Variants in ACVR1 observed in about 807,000 individuals in gnomAD.
ACVR1 encodes the protein activin receptor type-1.
Under a neutral mutation model 57.1 loss-of-function variants are expected in ACVR1, and 38 were observed. The ratio of observed to expected loss-of-function variants is 0.67; its 90% confidence interval spans 0.51 to 0.87. ACVR1 has a LOEUF of 0.87. ACVR1 is among the 40% of genes least tolerant of loss of function. ACVR1 has a pLI of 0.00. For synonymous variants in ACVR1, 212 were observed against 228.1 expected (o/e 0.93, Z 0.63); for missense variants, 463 against 638.2 (o/e 0.73, Z 2.96).
intron 2 of ACVR1, among the ~76,000 whole-genome samples, chr2:157,803,533 G>A (rs771141160): frequency 2.0e-5 from 3 of 152,122 alleles, no homozygotes; most frequent in South Asian, 2.1e-4. Context: ...ACATCAATAC[G>A]CTAAAATCTC....
chr2:157,750,721 C>T (rs766823910), intron 9 of ACVR1, among the ~76,000 whole-genome samples: 1 of 151,910 alleles, frequency 6.6e-6, no homozygotes, highest in Non-Finnish European at 1.5e-5. Context: ...TAAAGGAACA[C>T]AATAAGTCTC....
chr2:157,767,191 C>T (rs73022054), intron 7 of ACVR1, among the ~76,000 whole-genome samples: 9 of 152,118 alleles, frequency 5.9e-5, no homozygotes, highest in East Asian at 5.8e-4. Context: ...ACCATCACGC[C>T]GGGCTAATTT....
intron 1 of ACVR1, among the ~76,000 whole-genome samples, chr2:157,820,508 A>G (rs1008256827): frequency 4.6e-5 from 7 of 152,212 alleles, no homozygotes; most frequent in South Asian, 2.1e-4. Context: ...AGGTTTAGAT[A>G]AGCCAGAAAA....
intron 9 of ACVR1, among the ~76,000 whole-genome samples, chr2:157,755,526 A>C (rs1316104052): frequency 1.6e-5 from 1 of 63,150 alleles, no homozygotes; most frequent in African/African-American, 2.1e-4. Flanking sequence ...TGCAAATAAT[A>C]CCATACCATA....
Position 157,762,216 on chromosome 2 carries a change from CA to C in ACVR1, c.1067-1140del, listed in dbSNP as rs1397287392. On this transcript the variant is annotated intron_variant, in intron 8 of 10. Coordinates refer to ENST00000434821, the MANE Select transcript of ACVR1 (RefSeq NM_001111067.4). ...CAGTTACCCGCAGTCAACTACAGTC[CA>C]AAAATAGGTAAGTACAGTACAATTA... Among the ~76,000 whole-genome samples, 4 of 152,042 alleles carry C rather than the reference CA, an allele frequency of 2.6e-5. No homozygotes were observed. In the East Asian group the frequency reaches 7.7e-4, roughly 29 times the overall value.
Position 157,791,427 on chromosome 2 carries a change from T to C in ACVR1, c.67+8000A>G, listed in dbSNP as rs1686908160. Among the ~76,000 whole-genome samples the C allele has an allele frequency of 2.0e-5, 3 of 152,360 alleles. No individual in the cohort carries two copies. The South Asian group carries it at 6.2e-4, about 32-fold the overall frequency. ...AATTATTATTCTAGCCAACATTATTTATTCATTTGTCAAATATTTATTGAG... is the reference window on the plus strand; with the variant it reads ...AATTATTATTCTAGCCAACATTATTCATTCATTTGTCAAATATTTATTGAG... On this transcript the variant is annotated intron_variant, in intron 3 of 10. Coordinates refer to ENST00000434821, the MANE Select transcript of ACVR1 (RefSeq NM_001111067.4).
At chr2:157,791,214 T>C (rs1010210926) in intron 3 of ACVR1, among the ~76,000 whole-genome samples, 4 of 152,218 alleles carry the variant, frequency 2.6e-5, no homozygotes, top group Non-Finnish European at 4.4e-5. Context: ...CACTTCTTGC[T>C]TATGTTTACG....
intron 1 of ACVR1, among the ~76,000 whole-genome samples, chr2:157,857,317 G>A (rs887444755): frequency 6.6e-6 from 1 of 151,844 alleles, no homozygotes; most frequent in African/African-American, 2.4e-5. Flanking sequence ...GGACCAAAGG[G>A]CTCTCCTACC....
At chr2:157,838,750 G>A (rs752746174) in intron 1 of ACVR1, among the ~76,000 whole-genome samples, 3 of 152,132 alleles carry the variant, frequency 2.0e-5, no homozygotes, top group Non-Finnish European at 4.4e-5. Context: ...TCTGCTTGCT[G>A]CATGGCTCTT....
chr2:157,773,953 A>G (rs1686170244), intron 6 of ACVR1, 135 bp downstream of exon 6: 1 of 734,698 alleles, frequency 1.4e-6, no homozygotes, highest in African/African-American at 1.8e-5. Context: ...GTCATACAGA[A>G]TAGAGACCAC....
chr2:157,763,752 T>C (rs1213302743), intron 8 of ACVR1, among the ~76,000 whole-genome samples: 1 of 152,204 alleles, frequency 6.6e-6, no homozygotes, highest in Admixed American at 6.5e-5. Flanking sequence ...GGATTAATCA[T>C]AGAACACTAT....
intron 9 of ACVR1, among the ~76,000 whole-genome samples, chr2:157,746,934 A>C (rs540292851): frequency 6.6e-6 from 1 of 152,366 alleles, no homozygotes; most frequent in South Asian, 2.1e-4. Context: ...AAGAAACAGC[A>C]TGAGGTTTAT....
intron 1 of ACVR1, among the ~76,000 whole-genome samples, chr2:157,870,916 T>C (rs1330964440): frequency 6.6e-6 from 1 of 152,180 alleles, no homozygotes; most frequent in East Asian, 1.9e-4. Context: ...ACTGGTATCA[T>C]CTTGTCAGCA....
intron 9 of ACVR1, among the ~76,000 whole-genome samples, chr2:157,739,961 G>A (rs1432632049): frequency 6.6e-6 from 1 of 152,122 alleles, no homozygotes; most frequent in Non-Finnish European, 1.5e-5. Context: ...GTGGTGGGTG[G>A]ACCACTTGAG....
intron 1 of ACVR1, among the ~76,000 whole-genome samples, chr2:157,865,829 T>TAGAC (rs2105383327): frequency 7.1e-6 from 1 of 141,114 alleles, no homozygotes; most frequent in Non-Finnish European, 1.5e-5. Flanking sequence ...AAAAGATAGA[T>TAGAC]AGATAGATAG....
intron 1 of ACVR1, among the ~76,000 whole-genome samples, chr2:157,855,346 A>ACAC (rs1491512988): frequency 4.4e-5 from 6 of 135,908 alleles, no homozygotes; most frequent in South Asian, 2.4e-4. Flanking sequence ...ACACACACAC[A>ACAC]AAAATTAGCC....
Position 157,852,512 on chromosome 2 carries a change from AG to A in ACVR1, c.-183+23283del, listed in dbSNP as rs1462601257. Among the ~76,000 whole-genome samples, 63 of 151,346 alleles carry A rather than the reference AG, an allele frequency of 4.2e-4. No individual in the cohort carries two copies. In the South Asian group the frequency reaches 0.012, roughly 29 times the overall value. On this transcript the variant is annotated intron_variant, in intron 1 of 10. Coordinates refer to ENST00000434821, the MANE Select transcript of ACVR1 (RefSeq NM_001111067.4). ...AGAGCCTGTCTCAAAAAAAAAAAAA[AG>A]AAAAAAAAAAGAGCAAGACCTTGGA...
At chr2:157,824,149 G>A (rs1008414665) in intron 1 of ACVR1, among the ~76,000 whole-genome samples, 6 of 152,166 alleles carry the variant, frequency 3.9e-5, no homozygotes, top group African/African-American at 1.4e-4. Context: ...AAATTGCTGA[G>A]ATTTGACCAT....
At chr2:157,800,468 T>C (rs1298729310) in intron 2 of ACVR1, among the ~76,000 whole-genome samples, 1 of 127,866 alleles carries the variant, frequency 7.8e-6, no homozygotes, top group African/African-American at 2.7e-5. Flanking sequence ...TCTCTATTTG[T>C]TTTTAATTAT....
Sources: allele counts gnomAD v4.1 joint callset (sites outside exome capture counted in the v4.1 genomes callset), GRCh38; gene constraint gnomAD v4.1.1; transcripts MANE v1.5; gene names NCBI Gene and HGNC (gene_info 2026-07-23, HGNC 2026-07-21).